The following AUTS2 variants were observed in gnomAD, a reference collection of about 807,000 sequenced individuals.
AUTS2 encodes autism susceptibility gene 2 protein.
In AUTS2, 17 loss-of-function variants were observed where a neutral mutation model predicts 112.4. The observed-to-expected ratio is 0.15, with a 90% CI of 0.10 to 0.23. The LOEUF (loss-of-function observed/expected upper bound fraction) is 0.23, where lower values mean the gene tolerates loss of function less well. Among genes scored for constraint, AUTS2 ranks in the 10% least tolerant of loss-of-function variants. The pLI is 1.00. For synonymous variants in AUTS2, 751 were observed against 702.7 expected (o/e 1.07, Z -1.09); for missense variants, 1,510 against 1,701.6 (o/e 0.89, Z 1.98).
intron 6 of AUTS2, among the ~76,000 whole-genome samples, chr7:70,707,418 A>G (rs1809798036): frequency 6.6e-6 from 1 of 152,140 alleles, no homozygotes; most frequent in South Asian, 2.1e-4. Context: ...TGACTCCTAG[A>G]CATGCTCATA....
At chr7:70,435,158 GTTCCTTCTA>G (rs1795838292) in intron 4 of AUTS2, among the ~76,000 whole-genome samples, 1 of 152,150 alleles carries the variant, frequency 6.6e-6, no homozygotes, top group Non-Finnish European at 1.5e-5. Context: ...TATAGGGAAT[GTTCCTTCTA>G]TTCTCTGGGC....
intron 4 of AUTS2, chr7:70,294,038 G>A (rs1302327200): frequency 2.0e-5 from 3 of 152,106 alleles, no homozygotes; most frequent in East Asian, 1.9e-4. Flanking sequence ...TGGCATAGTA[G>A]GATATATATA....
At position 69,783,547 on chromosome 7, in the gene AUTS2, A is replaced by G. The variant is rs899745616; in HGVS notation, c.310-115739A>G. On this transcript the variant is annotated intron_variant, in intron 1 of 18. Transcript: ENST00000342771. ...TGAGTCTTTTCCAAGCAGAAGAAAT[A>G]GCAGAATGCCTTGCCCTCCCCTTCT... is the stretch of plus-strand genomic sequence containing the variant. Among the ~76,000 whole-genome samples the G allele has an allele frequency of 2.0e-5, 3 of 151,996 alleles. 1 individual carries two copies. The highest frequency in any genetic ancestry group is 4.4e-5 in the Non-Finnish European group (3 of 68,018).
chr7:70,476,623 TCC>T, intron 5 of AUTS2, among the ~76,000 whole-genome samples: 1 of 152,200 alleles, frequency 6.6e-6, no homozygotes, highest in South Asian at 2.1e-4. Context: ...CTATAGCATA[TCC>T]ATGTGTATTA....
chr7:69,888,399 C>G (rs1794367765), intron 1 of AUTS2, among the ~76,000 whole-genome samples: 1 of 151,182 alleles, frequency 6.6e-6, no homozygotes, highest in Non-Finnish European at 1.5e-5. Context: ...TTTTAACAAC[C>G]AGCTCGTGTG....
At chr7:69,720,501 T>TAGAA (rs1191603960) in intron 1 of AUTS2, among the ~76,000 whole-genome samples, 2 of 152,212 alleles carry the variant, frequency 1.3e-5, no homozygotes, top group African/African-American at 4.8e-5. Flanking sequence ...TTGCCATTTC[T>TAGAA]AGTAATGCTA....
chr7:70,578,606 C>A (rs980328377), intron 5 of AUTS2, among the ~76,000 whole-genome samples: 1 of 152,220 alleles, frequency 6.6e-6, no homozygotes, highest in Non-Finnish European at 1.5e-5. Context: ...CCATTGAGTT[C>A]ACTGTAAAGT....
chr7:69,841,754 A>G (rs770195472), intron 1 of AUTS2, among the ~76,000 whole-genome samples: 1 of 152,222 alleles, frequency 6.6e-6, no homozygotes, highest in Non-Finnish European at 1.5e-5. Context: ...TGGCTTAAAA[A>G]TTATAACTGC....
At chr7:69,972,553 T>C (rs1797889515) in intron 2 of AUTS2, among the ~76,000 whole-genome samples, 1 of 152,126 alleles carries the variant, frequency 6.6e-6, no homozygotes, top group South Asian at 2.1e-4. Flanking sequence ...AGATTTTTCT[T>C]TTCCTTTTTT....
chr7:70,239,846 A>G (rs1812516728), intron 4 of AUTS2, among the ~76,000 whole-genome samples: 1 of 152,206 alleles, frequency 6.6e-6, no homozygotes, highest in African/African-American at 2.4e-5. Flanking sequence ...CTGTAAGGCA[A>G]TGTACATAAG....
At chr7:70,476,860 G>A (rs1797602934) in intron 5 of AUTS2, among the ~76,000 whole-genome samples, 1 of 152,172 alleles carries the variant, frequency 6.6e-6, no homozygotes, top group South Asian at 2.1e-4. Flanking sequence ...ATTGTGGTGA[G>A]CATACTGTTA....
intron 1 of AUTS2, among the ~76,000 whole-genome samples, chr7:69,689,413 C>T (rs573203301): frequency 4.8e-4 from 62 of 129,332 alleles, no homozygotes; most frequent in Non-Finnish European, 9.0e-4. Context: ...TGCAGTGGCG[C>T]GATCTTGGCT....
chr7:70,371,204 G>A lies in AUTS2; in HGVS notation c.661-64548G>A, dbSNP rs529245481. Among the ~76,000 whole-genome samples the A allele has an allele frequency of 1.1e-4, 17 of 152,214 alleles. No homozygotes were observed. The East Asian group carries it at 1.2e-3, about 10-fold the overall frequency. ...GAAAAATAATTTTAAATATACCAGC[G>A]TTCAGGCCCTATCCTTGGCCAACTG... On this transcript the variant is annotated intron_variant, in intron 4 of 18. Transcript: ENST00000342771.
chr7:70,246,706 A>T (rs1812941552), intron 4 of AUTS2, among the ~76,000 whole-genome samples: 1 of 152,018 alleles, frequency 6.6e-6, no homozygotes, highest in Non-Finnish European at 1.5e-5. Context: ...TAAATTTTAG[A>T]ATCAACTCAT....
At chr7:69,707,276 A>G (rs1798103709) in intron 1 of AUTS2, among the ~76,000 whole-genome samples, 1 of 152,154 alleles carries the variant, frequency 6.6e-6, no homozygotes, top group Non-Finnish European at 1.5e-5. Flanking sequence ...ATGAATGTTA[A>G]TTTTAGTCAT....
intron 4 of AUTS2, among the ~76,000 whole-genome samples, chr7:70,338,373 G>A (rs903003243): frequency 2.0e-5 from 3 of 152,168 alleles, no homozygotes; most frequent in African/African-American, 7.2e-5. Context: ...AGGGTATCAT[G>A]GTTGCAGTTG....
chr7:70,220,897 T>G (rs1811443927), intron 4 of AUTS2, among the ~76,000 whole-genome samples: 1 of 152,210 alleles, frequency 6.6e-6, no homozygotes, highest in South Asian at 2.1e-4. Flanking sequence ...ATTCTACCAT[T>G]ACTATTTTGC....
intron 5 of AUTS2, among the ~76,000 whole-genome samples, chr7:70,621,791 C>T (rs1405309084): frequency 7.0e-6 from 1 of 143,340 alleles, no homozygotes; most frequent in African/African-American, 2.6e-5. Flanking sequence ...GCTAGCTGTT[C>T]TGGGACGCTA....
Position 70,766,279 on chromosome 7 carries a change from C to T in AUTS2, c.1634C>T (p.Pro545Leu), listed in dbSNP as rs1352975576. 1.9e-6 allele frequency: 3 copies of T among 1,614,092 alleles called. No homozygotes were observed. Among genetic ancestry groups the T allele is most frequent in the South Asian group, 1.1e-5 (1 of 91,070 alleles). Residue 545 changes from proline (P) to leucine (L), a missense_variant, in exon 9 of 19, where the codon CCG becomes CTG. Transcript: ENST00000342771. The surrounding 1 kb of genome is among the most constrained non-coding windows in gnomAD (Gnocchi z 4.8). ...HQHTHQHTFT[P>L]FPHAIPPTAI... is the part of the protein sequence containing the mutation. ...CACACGCACCAGCACACCTTCACGC[C>T]GTTCCCCCACGCCATCCCACCCACC...
Sources: allele counts gnomAD v4.1 joint callset (sites outside exome capture counted in the v4.1 genomes callset), GRCh38; gene constraint gnomAD v4.1.1; non-coding constraint Gnocchi (gnomAD v3.1); transcripts MANE v1.5; gene names NCBI Gene and HGNC (gene_info 2026-07-23, HGNC 2026-07-21).